KHDRBS2: variants seen among roughly 807,000 people sequenced by gnomAD.
The protein encoded by KHDRBS2 is KH RNA binding domain containing, signal transduction associated 2.
In KHDRBS2, 26 loss-of-function variants were observed where a neutral mutation model predicts 44.3. That is an observed-to-expected ratio of 0.59 (90% CI 0.43 to 0.81). The LOEUF (loss-of-function observed/expected upper bound fraction) is 0.81. Ranked by LOEUF, KHDRBS2 falls within the 40% of genes least tolerant of loss-of-function variation. KHDRBS2 has a pLI of 0.00. For synonymous variants in KHDRBS2, 194 were observed against 151.1 expected (o/e 1.28, Z -2.08); for missense variants, 476 against 433.1 (o/e 1.10, Z -0.88).
intron 2 of KHDRBS2, among the ~76,000 whole-genome samples, chr6:62,171,369 G>A (rs1393943123): frequency 2.6e-5 from 4 of 151,448 alleles, no homozygotes; most frequent in Non-Finnish European, 1.5e-5. Context: ...AATCCACTCA[G>A]TCAGACAAAA....
At chr6:61,941,901 C>G (rs1812208791) in intron 4 of KHDRBS2, among the ~76,000 whole-genome samples, 1 of 152,070 alleles carries the variant, frequency 6.6e-6, no homozygotes, top group African/African-American at 2.4e-5. Context: ...AATACTCCAG[C>G]AAAAGATCCT....
chr6:62,125,800 G>T (rs769106177), intron 2 of KHDRBS2, among the ~76,000 whole-genome samples: 1 of 152,084 alleles, frequency 6.6e-6, no homozygotes, highest in African/African-American at 2.4e-5. Context: ...TTCTTCACCC[G>T]CTGACTAAAG....
At chr6:62,220,342 A>G (rs1201905737) in intron 1 of KHDRBS2, among the ~76,000 whole-genome samples, 2 of 151,946 alleles carry the variant, frequency 1.3e-5, no homozygotes, top group African/African-American at 4.8e-5. Flanking sequence ...AAGCACAGCA[A>G]TGAAATAGTA....
intron 6 of KHDRBS2, among the ~76,000 whole-genome samples, chr6:61,747,818 C>T (rs1777082228): frequency 6.6e-6 from 1 of 152,078 alleles, no homozygotes; most frequent in Non-Finnish European, 1.5e-5. Flanking sequence ...AAATTTAATC[C>T]TGTTCTTAGT....
chr6:61,776,076 C>A (rs1227498723), intron 6 of KHDRBS2, among the ~76,000 whole-genome samples: 1 of 152,086 alleles, frequency 6.6e-6, no homozygotes, highest in African/African-American at 2.4e-5. Flanking sequence ...GCTGGGAAAA[C>A]TGGCTAGCCA....
intron 7 of KHDRBS2, among the ~76,000 whole-genome samples, chr6:61,721,765 T>C (rs9767482): frequency 0.66 from 53,942 of 81,604 alleles, 21,550 homozygotes; most frequent in African/African-American, 0.86. Context: ...ATTGAATACC[T>C]TTTATTTCCT....
At chr6:62,191,899 G>A in intron 1 of KHDRBS2, among the ~76,000 whole-genome samples, 1 of 151,984 alleles carries the variant, frequency 6.6e-6, no homozygotes, top group East Asian at 1.9e-4. Flanking sequence ...ACATCTAAGA[G>A]GTGACACAAA....
intron 6 of KHDRBS2, among the ~76,000 whole-genome samples, chr6:61,826,010 G>A (rs1054146490): frequency 1.1e-4 from 16 of 152,128 alleles, no homozygotes. Context: ...GTCTTGGAGG[G>A]ACAGGACATT....
At chr6:62,225,274 C>T (rs1831575912) in intron 1 of KHDRBS2, among the ~76,000 whole-genome samples, 1 of 152,138 alleles carries the variant, frequency 6.6e-6, no homozygotes, top group Non-Finnish European at 1.5e-5. Flanking sequence ...TGTTGCATCA[C>T]TTTCTGTCAG....
At chr6:61,584,367 T>C in the KHDRBS2 span, among the ~76,000 whole-genome samples, 5 of 151,974 alleles carry the variant, frequency 3.3e-5, no homozygotes, top group African/African-American at 1.2e-4. Context: ...GATGCTCAAA[T>C]AGCTTGAGGA....
chr6:61,763,718 T>G (rs1033230412), intron 6 of KHDRBS2, among the ~76,000 whole-genome samples: 11 of 152,224 alleles, frequency 7.2e-5, no homozygotes, highest in Admixed American at 5.2e-4. Flanking sequence ...ACTTTAGACT[T>G]ATGTGGAATC....
the KHDRBS2 span, among the ~76,000 whole-genome samples, chr6:61,656,130 G>T: frequency 6.6e-6 from 1 of 151,962 alleles, no homozygotes; most frequent in Non-Finnish European, 1.5e-5. Flanking sequence ...TCATTTAACG[G>T]ATCTTTACAA....
At chr6:62,172,472 CACA>C (rs1354778079) in intron 2 of KHDRBS2, among the ~76,000 whole-genome samples, 1 of 151,932 alleles carries the variant, frequency 6.6e-6, no homozygotes, top group Non-Finnish European at 1.5e-5. Context: ...TAGATAACCA[CACA>C]ACAATAGTGG....
intron 6 of KHDRBS2, among the ~76,000 whole-genome samples, chr6:61,789,615 T>C (rs1239767522): frequency 6.6e-6 from 1 of 151,502 alleles, no homozygotes; most frequent in Non-Finnish European, 1.5e-5. Flanking sequence ...CATTTTGTTT[T>C]TGACACACAA....
chr6:61,974,610 T>C (rs550303318), intron 4 of KHDRBS2, among the ~76,000 whole-genome samples: 4 of 103,274 alleles, frequency 3.9e-5, no homozygotes, highest in African/African-American at 1.6e-4. Flanking sequence ...GGTGTTTTAT[T>C]GACCCTTGAC....
intron 2 of KHDRBS2, among the ~76,000 whole-genome samples, chr6:62,139,501 G>A (rs1302405076): frequency 5.3e-5 from 8 of 151,056 alleles, no homozygotes; most frequent in Non-Finnish European, 8.8e-5. Flanking sequence ...TGCAGCGAGC[G>A]GAGATCGCGC....
chr6:61,776,656 G>A (rs1017088252), intron 6 of KHDRBS2, among the ~76,000 whole-genome samples: 76 of 152,318 alleles, frequency 5.0e-4, no homozygotes, highest in African/African-American at 1.8e-3. Flanking sequence ...TGGAGAGGAT[G>A]TGAAGAAATA....
intron 2 of KHDRBS2, among the ~76,000 whole-genome samples, chr6:62,104,305 A>AT (rs1378184225): frequency 1.3e-5 from 2 of 150,260 alleles, no homozygotes; most frequent in African/African-American, 4.9e-5. Flanking sequence ...TTTTTTTTTA[A>AT]TTATACTTTA....
chr6:61,551,022 T>C, the KHDRBS2 span, among the ~76,000 whole-genome samples: 1 of 152,106 alleles, frequency 6.6e-6, no homozygotes, highest in Non-Finnish European at 1.5e-5. Context: ...GATATGCCTA[T>C]TGCGGCTCCC....
Sources: allele counts gnomAD v4.1 joint callset (sites outside exome capture counted in the v4.1 genomes callset), GRCh38; gene constraint gnomAD v4.1.1; transcripts MANE v1.5; gene names NCBI Gene and HGNC (gene_info 2026-07-23, HGNC 2026-07-21).